ERC1: variants seen among roughly 807,000 people sequenced by gnomAD.
ERC1 encodes the protein ELKS/RAB6-interacting/CAST family member 1.
ERC1 carries 56 observed loss-of-function variants against 132.0 expected under a neutral mutation model. The observed-to-expected ratio is 0.42, with a 90% CI of 0.34 to 0.53. The LOEUF (loss-of-function observed/expected upper bound fraction) is 0.53. Among genes scored for constraint, ERC1 ranks in the 20% least tolerant of loss-of-function variants. ERC1 has a pLI of 0.03. For synonymous variants in ERC1, 478 were observed against 476.1 expected, an observed-to-expected ratio of 1.00 and a Z score of -0.05; for missense variants, 1,202 against 1,349.9, an observed-to-expected ratio of 0.89 and a Z score of 1.72.
intron 16 of ERC1, among the ~76,000 whole-genome samples, chr12:1,376,929 T>C (rs1239827708): frequency 1.3e-5 from 2 of 152,144 alleles, no homozygotes; most frequent in African/African-American, 4.8e-5. Context: ...ACGCGGTCTT[T>C]CTCCCGTCAT....
chr12:1,366,058 G>T (rs1327708788), intron 15 of ERC1, among the ~76,000 whole-genome samples: 1 of 152,192 alleles, frequency 6.6e-6, no homozygotes, highest in Non-Finnish European at 1.5e-5. Flanking sequence ...GCCAGAGGCT[G>T]GGGGAGGGGA....
At position 1,236,327 on chromosome 12, in the gene ERC1, A is replaced by G. The variant is rs867076673; in HGVS notation, c.2352-442A>G. The stretch of plus-strand genomic sequence containing the variant: ...TGTCATTATTTTCATATACATCTAC[A>G]TTATATACAGTGTATTGAATGTTTG... On this transcript the variant is annotated intron_variant, in intron 12 of 18. Transcript: ENST00000360905. Among the ~76,000 whole-genome samples, 3 of 152,314 alleles carry G rather than the reference A, an allele frequency of 2.0e-5. No individual in the cohort carries two copies. The Middle Eastern group carries it at 0.01, about 518-fold the overall frequency.
intron 11 of ERC1, among the ~76,000 whole-genome samples, chr12:1,185,889 T>C (rs770283845): frequency 4.5e-4 from 68 of 152,222 alleles, no homozygotes; most frequent in Non-Finnish European, 7.5e-4. Context: ...TGCTTCTCTT[T>C]GCTTTTATTT....
intron 15 of ERC1, among the ~76,000 whole-genome samples, chr12:1,356,264 C>T (rs1389116564): frequency 4.3e-5 from 6 of 140,766 alleles, no homozygotes; most frequent in Non-Finnish European, 6.0e-5. Context: ...ATTTATATTC[C>T]GTTGAGGAAG....
At chr12:1,200,302 T>C (rs1356574291) in intron 12 of ERC1, among the ~76,000 whole-genome samples, 1 of 152,184 alleles carries the variant, frequency 6.6e-6, no homozygotes, top group Non-Finnish European at 1.5e-5. Context: ...TTCTTATTCT[T>C]TTCTCTTTGA....
intron 18 of ERC1, among the ~76,000 whole-genome samples, chr12:1,454,416 T>A (rs953064979): frequency 3.9e-5 from 6 of 152,202 alleles, no homozygotes; most frequent in Admixed American, 3.9e-4. Flanking sequence ...AACTCCGGTT[T>A]ATAGCTGGTC....
At chr12:1,171,172 C>A (rs941203432) in intron 8 of ERC1, among the ~76,000 whole-genome samples, 2 of 152,084 alleles carry the variant, frequency 1.3e-5, no homozygotes, top group African/African-American at 4.8e-5. Context: ...GACATCTTTG[C>A]TGGGCTTATT....
chr12:1,048,735 G>C (rs1393354975), intron 2 of ERC1, among the ~76,000 whole-genome samples: 1 of 152,138 alleles, frequency 6.6e-6, no homozygotes, highest in Non-Finnish European at 1.5e-5. Context: ...TTTTAAATCT[G>C]AATTTCACAT....
At chr12:1,301,252 T>G (rs1262511880) in intron 15 of ERC1, among the ~76,000 whole-genome samples, 1 of 152,194 alleles carries the variant, frequency 6.6e-6, no homozygotes, top group Admixed American at 6.5e-5. Context: ...TATATAGTAC[T>G]CAGTTGATGG....
chr12:1,245,680 G>A (rs1050186686), intron 13 of ERC1, among the ~76,000 whole-genome samples: 13 of 152,172 alleles, frequency 8.5e-5, no homozygotes, highest in African/African-American at 2.9e-4. Context: ...TGTCTTACAT[G>A]TGAAATGAAA....
At chr12:1,365,730 G>T (rs773990855) in intron 15 of ERC1, among the ~76,000 whole-genome samples, 2 of 152,172 alleles carry the variant, frequency 1.3e-5, no homozygotes, top group Non-Finnish European at 2.9e-5. Context: ...AAAGCTTTTA[G>T]TTTTCAAGTT....
chr12:1,006,441 A>G (rs1963621989), intron 1 of ERC1, among the ~76,000 whole-genome samples: 1 of 152,006 alleles, frequency 6.6e-6, no homozygotes, highest in Admixed American at 6.6e-5. Context: ...TCTGTCACCT[A>G]GGCGCAATTT....
At chr12:1,401,005 G>C (rs1482960726) in intron 16 of ERC1, among the ~76,000 whole-genome samples, 1 of 125,160 alleles carries the variant, frequency 8.0e-6, no homozygotes, top group Non-Finnish European at 1.6e-5. Flanking sequence ...GCGTGATCTG[G>C]GCTCACTGCA....
intron 7 of ERC1, among the ~76,000 whole-genome samples, chr12:1,118,642 A>G (rs948208162): frequency 6.6e-6 from 1 of 152,216 alleles, no homozygotes; most frequent in Non-Finnish European, 1.5e-5. Flanking sequence ...GCATTGCTTA[A>G]AAAATTACTC....
At chr12:1,182,843 T>G (rs1468213699) in intron 10 of ERC1, among the ~76,000 whole-genome samples, 1 of 152,164 alleles carries the variant, frequency 6.6e-6, no homozygotes, top group Non-Finnish European at 1.5e-5. Context: ...AAAAAATTTT[T>G]TTTTGTGAAG....
At chr12:1,258,302 G>A (rs1480331440) in intron 13 of ERC1, among the ~76,000 whole-genome samples, 4 of 152,272 alleles carry the variant, frequency 2.6e-5, no homozygotes, top group Non-Finnish European at 5.9e-5. Flanking sequence ...TACAGACTCA[G>A]AATGGCTCTT....
At chr12:1,218,544 T>C (rs1958638270) in intron 12 of ERC1, among the ~76,000 whole-genome samples, 1 of 152,166 alleles carries the variant, frequency 6.6e-6, no homozygotes, top group South Asian at 2.1e-4. Context: ...TTAATCAGGC[T>C]CCTATTTTTA....
At chr12:1,058,342 CT>C (rs1474715372) in intron 2 of ERC1, among the ~76,000 whole-genome samples, 1 of 151,976 alleles carries the variant, frequency 6.6e-6, no homozygotes, top group Non-Finnish European at 1.5e-5. Flanking sequence ...ACATTTAAGT[CT>C]TTAATCAGTT....
chr12:1,054,432 C>T (rs1043772081), intron 2 of ERC1, among the ~76,000 whole-genome samples: 2 of 151,988 alleles, frequency 1.3e-5, no homozygotes, highest in African/African-American at 4.8e-5. Flanking sequence ...TTCCCTACCG[C>T]ACCCCCGGCT....
Sources: allele counts gnomAD v4.1 joint callset (sites outside exome capture counted in the v4.1 genomes callset), GRCh38; gene constraint gnomAD v4.1.1; transcripts MANE v1.5; gene names NCBI Gene and HGNC (gene_info 2026-07-23, HGNC 2026-07-21).